Variants in SEC23A observed in about 807,000 individuals in gnomAD.
SEC23A encodes SEC23 homolog A, COPII component.
SEC23A carries 56 observed loss-of-function variants against 103.7 expected under a neutral mutation model. The ratio of observed to expected loss-of-function variants is 0.54; its 90% CI spans 0.44 to 0.67. SEC23A has a LOEUF of 0.67. Among genes scored for constraint, SEC23A ranks in the 30% least tolerant of loss-of-function variants. The probability of loss-of-function intolerance (pLI) is 0.00; values close to 1 mark genes in which losing one functional copy is unlikely to be tolerated. For synonymous variants in SEC23A, 281 were observed against 293.0 expected (o/e 0.96, Z 0.42); for missense variants, 784 against 936.4 (o/e 0.84, Z 2.12).
At chr14:39,093,687 G>A (rs1165045265) in intron 2 of SEC23A, among the ~76,000 whole-genome samples, 1 of 152,110 alleles carries the variant, frequency 6.6e-6, no homozygotes, top group Non-Finnish European at 1.5e-5. Context: ...TCTGAGCCCA[G>A]GTGGTCAAAG....
At chr14:39,069,907 T>G (rs943039363) in intron 9 of SEC23A, among the ~76,000 whole-genome samples, 1 of 152,250 alleles carries the variant, frequency 6.6e-6, no homozygotes, top group Non-Finnish European at 1.5e-5. Flanking sequence ...TATTTAGAAC[T>G]GCAAACCCCA....
chr14:39,102,003 G>T (rs61406777), intron 1 of SEC23A, among the ~76,000 whole-genome samples: 3 of 152,040 alleles, frequency 2.0e-5, no homozygotes, highest in African/African-American at 7.3e-5. Flanking sequence ...AGGCCGAGGC[G>T]GGCGGATCAC....
intron 7 of SEC23A, among the ~76,000 whole-genome samples, chr14:39,077,064 C>T (rs1016068913): frequency 6.6e-6 from 1 of 151,308 alleles, no homozygotes; most frequent in Non-Finnish European, 1.5e-5. Context: ...CCTGTCTCTA[C>T]TAAAAATATA....
chr14:39,087,368 C>CT (rs1887479710), intron 5 of SEC23A, among the ~76,000 whole-genome samples: 1 of 152,162 alleles, frequency 6.6e-6, no homozygotes, highest in South Asian at 2.1e-4. Context: ...TAAGCACCTG[C>CT]TATGTGGCAG....
intron 9 of SEC23A, among the ~76,000 whole-genome samples, chr14:39,073,704 G>A (rs1886917295): frequency 1.4e-5 from 2 of 148,014 alleles, no homozygotes; most frequent in Non-Finnish European, 1.5e-5. Flanking sequence ...CTGCCACCCG[G>A]GTTCAAGCAA....
At chr14:39,045,373 C>A in intron 15 of SEC23A, 49 bp from the exon 16 acceptor site, 1 of 1,426,094 alleles carries the variant, frequency 7.0e-7, no homozygotes, top group Non-Finnish European at 9.8e-7. Flanking sequence ...AATATTAAAA[C>A]AGGTGTTTAC....
intron 15 of SEC23A, 71 bp from the exon 16 acceptor site, chr14:39,045,395 A>T: frequency 1.8e-6 from 2 of 1,102,744 alleles, no homozygotes; most frequent in South Asian, 2.7e-5. Flanking sequence ...ATTAGCAAAA[A>T]TATTTGATTA....
intron 9 of SEC23A, among the ~76,000 whole-genome samples, chr14:39,072,154 C>T (rs562377468): frequency 1.6e-4 from 24 of 151,898 alleles, no homozygotes; most frequent in African/African-American, 5.6e-4. Flanking sequence ...AACACTTGAA[C>T]CCAGGAGGCA....
At chr14:39,040,080 T>C (rs1327216530) in intron 18 of SEC23A, 1 of 152,218 alleles carries the variant, frequency 6.6e-6, no homozygotes, top group Non-Finnish European at 1.5e-5. Flanking sequence ...TAAAACAAAT[T>C]AATAACAACT....
chr14:39,089,586 T>A (rs968728180), intron 5 of SEC23A, among the ~76,000 whole-genome samples: 1 of 152,178 alleles, frequency 6.6e-6, no homozygotes, highest in Admixed American at 6.5e-5. Flanking sequence ...CCTCCTAAAG[T>A]ACATCTCTTT....
intron 12 of SEC23A, among the ~76,000 whole-genome samples, chr14:39,062,960 T>C (rs1473093646): frequency 6.6e-6 from 1 of 152,210 alleles, no homozygotes; most frequent in Non-Finnish European, 1.5e-5. Context: ...ATATATACTT[T>C]CTGACAACTA....
chr14:39,102,400 G>GT (rs2085672768), intron 1 of SEC23A, among the ~76,000 whole-genome samples: 1 of 152,312 alleles, frequency 6.6e-6, no homozygotes, highest in South Asian at 2.1e-4. Context: ...GGGAGTTCAA[G>GT]TGAAAACGAG....
At chr14:39,049,262 G>T (rs544624513) in intron 14 of SEC23A, among the ~76,000 whole-genome samples, 91 of 152,098 alleles carry the variant, frequency 6.0e-4, no homozygotes, top group African/African-American at 2.0e-3. Context: ...CGGATCACAA[G>T]GTCAGGAGTT....
intron 18 of SEC23A, 53 bp downstream of exon 18, chr14:39,040,679 C>T: frequency 6.2e-7 from 1 of 1,606,620 alleles, no homozygotes; most frequent in Non-Finnish European, 8.5e-7. Context: ...GCAGGTACAC[C>T]TCACTGCAAA....
chr14:39,049,318 A>G (rs1885961109), intron 14 of SEC23A, among the ~76,000 whole-genome samples: 2 of 152,122 alleles, frequency 1.3e-5, no homozygotes, highest in Admixed American at 1.3e-4. Flanking sequence ...TCTACTAAAA[A>G]TACAAAAATA....
At chr14:39,076,188 C>G in intron 7 of SEC23A, 95 bp from the exon 8 acceptor site, 1 of 939,180 alleles carries the variant, frequency 1.1e-6, no homozygotes, top group East Asian at 2.7e-5. Flanking sequence ...AAGAGAAAAG[C>G]ATATATTTTC....
intron 13 of SEC23A, among the ~76,000 whole-genome samples, chr14:39,058,916 T>C (rs963935871): frequency 9.9e-5 from 15 of 152,204 alleles, no homozygotes; most frequent in Non-Finnish European, 1.9e-4. Context: ...ATTTATTTGC[T>C]TTAAACTGAA....
chr14:39,074,609 C>G (rs1886952012), intron 8 of SEC23A, 79 bp from the exon 9 acceptor site: 2 of 713,098 alleles, frequency 2.8e-6, no homozygotes, highest in Middle Eastern at 3.3e-4. Flanking sequence ...TCAAAATGAT[C>G]TAAGGACTAA....
At chr14:39,057,396 A>T (rs367814371) in intron 13 of SEC23A, among the ~76,000 whole-genome samples, 1 of 152,310 alleles carries the variant, frequency 6.6e-6, no homozygotes, top group African/African-American at 2.4e-5. Context: ...CTATCACCCA[A>T]GCTGGAATGA....
Sources: gnomAD v4.1 joint callset for allele counts (sites outside exome capture counted in the v4.1 genomes callset) on GRCh38, gnomAD v4.1.1 for gene constraint, MANE v1.5 for transcripts, NCBI Gene and HGNC (gene_info 2026-07-23, HGNC 2026-07-21) for gene names.